ANKRD17: variants seen among roughly 807,000 people sequenced by gnomAD.
ANKRD17 encodes the protein ankyrin repeat domain 17, also known as ankyrin repeat domain-containing protein 17.
Under a neutral mutation model 229.7 loss-of-function variants are expected in ANKRD17, and 19 were observed. That is an observed-to-expected ratio of 0.08 (90% CI 0.06 to 0.12). ANKRD17 has a LOEUF of 0.12. Among genes scored for constraint, ANKRD17 ranks in the 10% least tolerant of loss-of-function variants. ANKRD17 has a pLI of 1.00. For missense variants in ANKRD17, 2,176 were observed against 3,176.8 expected (o/e 0.68, Z 7.57); for synonymous variants, 1,112 against 1,146.1 (o/e 0.97, Z 0.60).
chr4:73,141,819 G>T lies in ANKRD17; in HGVS notation c.2254C>A (p.Leu752Met). Residue 752 changes from leucine to methionine, a missense_variant, in exon 14 of 34, where the codon CTG becomes ATG. By Grantham distance (15) the Leu-to-Met change is conservative. Transcript: ENST00000358602. ...TCCTGAGGTGGAACAACCATGGGCAGTGCTTGAACTGGTACACGAGGAGCC... is the reference window on the plus strand; with the variant it reads ...TCCTGAGGTGGAACAACCATGGGCATTGCTTGAACTGGTACACGAGGAGCC... The part of the protein sequence containing the change: ...NRAPRVPVQA[L>M]PMVVPPQEPD... The T allele has an allele frequency of 1.2e-6, 2 of 1,613,930 alleles. No individual in the cohort carries two copies. The highest frequency in any genetic ancestry group is 1.7e-6 in the Non-Finnish European group (2 of 1,179,924).
chr4:73,079,837 G>A lies in ANKRD17; in HGVS notation c.7160-947C>T, dbSNP rs572729207. On this transcript the variant is annotated intron_variant, in intron 30 of 33. Coordinates refer to ENST00000358602, the MANE Select transcript of ANKRD17 (RefSeq NM_032217.5). ...TATGTGAAAAGCTTAAATATTGGCC[G>A]GGCGCGGTGGCACACACCTGTAATC... 6.6e-5 allele frequency among the ~76,000 whole-genome samples: 10 copies of A among 152,186 alleles called. No individual in the cohort carries two copies. The South Asian group carries it at 8.3e-4, about 13-fold the overall frequency.
At chr4:73,141,700 T>G in intron 14 of ANKRD17, 41 bp downstream of exon 14, 1 of 1,559,530 alleles carries the variant, frequency 6.4e-7, no homozygotes, top group Non-Finnish European at 8.8e-7. Context: ...TATTTTTACC[T>G]GGACACCAAG....
chr4:73,216,226 C>T (rs1318584026), intron 1 of ANKRD17, among the ~76,000 whole-genome samples: 1 of 151,944 alleles, frequency 6.6e-6, no homozygotes, highest in Non-Finnish European at 1.5e-5. Context: ...TTTATAAAAG[C>T]ATGTTAACAT....
At chr4:73,157,265 T>C (rs1731787177) in intron 3 of ANKRD17, among the ~76,000 whole-genome samples, 1 of 152,150 alleles carries the variant, frequency 6.6e-6, no homozygotes, top group Non-Finnish European at 1.5e-5. Flanking sequence ...GATGGGAGAA[T>C]GTAATATTAA....
intron 3 of ANKRD17, among the ~76,000 whole-genome samples, chr4:73,157,044 C>T (rs1203296986): frequency 6.6e-6 from 1 of 152,020 alleles, no homozygotes; most frequent in Non-Finnish European, 1.5e-5. Flanking sequence ...GTCTAATTTA[C>T]TGGTAAGTGG....
intron 1 of ANKRD17, among the ~76,000 whole-genome samples, chr4:73,248,964 A>G (rs1744745762): frequency 6.6e-6 from 1 of 152,104 alleles, no homozygotes; most frequent in Non-Finnish European, 1.5e-5. Context: ...CAGAGAAAGA[A>G]AGAGACAACA....
At chr4:73,166,102 C>T (rs562226333) in intron 2 of ANKRD17, among the ~76,000 whole-genome samples, 2 of 152,290 alleles carry the variant, frequency 1.3e-5, no homozygotes, top group East Asian at 3.9e-4. Flanking sequence ...TGTTATGCTG[C>T]AATAGAAAAC....
chr4:73,129,719 A>G (rs1727934020), intron 16 of ANKRD17, among the ~76,000 whole-genome samples: 1 of 151,038 alleles, frequency 6.6e-6, no homozygotes, highest in African/African-American at 2.4e-5. Flanking sequence ...CCCTGTCTCA[A>G]CAACAACAAC....
In ANKRD17 at chr4:73,186,420, T is replaced by A. The variant is rs570643864; in HGVS notation, c.394-8887A>T. 2.6e-5 allele frequency among the ~76,000 whole-genome samples: 4 copies of A among 152,136 alleles called. No homozygotes were observed. The South Asian group carries it at 8.3e-4, about 32-fold the overall frequency. On this transcript the variant is annotated intron_variant, in intron 1 of 33. Coordinates refer to ENST00000358602, the MANE Select transcript of ANKRD17 (RefSeq NM_032217.5). The stretch of plus-strand genomic sequence containing the variant: ...TATGGTATTCTGAGATTATAGTAAA[T>A]AAAACTAAAGTGAACCTCATTAAAG...
chr4:73,102,353 G>T (rs762953176), intron 25 of ANKRD17, 23 bp downstream of exon 25: 1 of 1,568,204 alleles, frequency 6.4e-7, no homozygotes, highest in South Asian at 1.2e-5. Flanking sequence ...AAAACAAATG[G>T]GATGGTTGTT....
intron 1 of ANKRD17, among the ~76,000 whole-genome samples, chr4:73,193,872 C>G (rs1295914321): frequency 1.3e-5 from 2 of 152,126 alleles, no homozygotes; most frequent in Non-Finnish European, 2.9e-5. Flanking sequence ...GTTGAGGCTG[C>G]AGTGACCCAT....
Position 73,207,970 on chromosome 4 carries a change from C to T in ANKRD17, c.394-30437G>A, listed in dbSNP as rs536573754. Among the ~76,000 whole-genome samples, 251 of 152,084 alleles carry T rather than the reference C, an allele frequency of 1.7e-3. 1 individual carries two copies. The highest frequency in any genetic ancestry group is 5.4e-3 in the African/African-American group (223 of 41,506). ...TTGGGAGGCCGAGGCAGGTGGATCA[C>T]GAGGTCAGGAGATCGAGACCATCCT... On this transcript the variant is annotated intron_variant, in intron 1 of 33. Transcript: ENST00000358602.
intron 24 of ANKRD17, among the ~76,000 whole-genome samples, chr4:73,109,962 T>C (rs914328314): frequency 8.1e-6 from 1 of 122,930 alleles, no homozygotes; most frequent in African/African-American, 3.2e-5. Flanking sequence ...GAGAATGGGA[T>C]AGGTTGTGTT....
rs771651804 is a variant in ANKRD17 at position 73,076,309 on chromosome 4, C to A, written c.7753-19G>T. 3 of 1,556,374 alleles carry A rather than the reference C, an allele frequency of 1.9e-6. No homozygotes were observed. The highest frequency in any genetic ancestry group is 1.2e-5 in the South Asian group (1 of 80,948). On this transcript the variant is annotated intron_variant, in intron 33 of 33. Transcript: ENST00000358602. ...TCCACACCTATGAATATAGAGCATG[C>A]ATTTTACAAAATATATATCTAGCAT...
intron 24 of ANKRD17, among the ~76,000 whole-genome samples, chr4:73,106,423 G>C (rs1464004216): frequency 6.6e-6 from 1 of 152,134 alleles, no homozygotes; most frequent in Non-Finnish European, 1.5e-5. Flanking sequence ...TGCAGATTTA[G>C]ATATATGAAA....
chr4:73,175,829 A>C, intron 2 of ANKRD17, among the ~76,000 whole-genome samples: 1 of 152,108 alleles, frequency 6.6e-6, no homozygotes, highest in South Asian at 2.1e-4. Flanking sequence ...AGACTTAAAC[A>C]TAAGACCTCT....
At chr4:73,202,240 C>T (rs146008037) in intron 1 of ANKRD17, among the ~76,000 whole-genome samples, 3 of 132,042 alleles carry the variant, frequency 2.3e-5, no homozygotes, top group Admixed American at 9.2e-5. Context: ...TGAAAAGAAA[C>T]GATGAAGTCA....
chr4:73,213,858 G>C (rs1050149529), intron 1 of ANKRD17, among the ~76,000 whole-genome samples: 17 of 151,920 alleles, frequency 1.1e-4, no homozygotes, highest in Non-Finnish European at 1.8e-4. Flanking sequence ...ATAAGAGAAA[G>C]AACTTCTCTT....
In ANKRD17 at chr4:73,091,015, C is replaced by T. The variant is rs1164644639; in HGVS notation, c.6613G>A (p.Val2205Ile). Residue 2205 changes from valine to isoleucine, a missense_variant, in exon 29 of 34, where the codon GTC becomes ATC. Val to Ile is a conservative substitution (Grantham distance 29). Transcript: ENST00000358602. ...VQNSSVAVLSVNHIKRPHSVP... is the reference protein window; with the variant it reads ...VQNSSVAVLSINHIKRPHSVP... ...CTGTGAGGTCTTTTAATGTGATTGA[C>T]ACTGAGGACTGCAACAGATGAATTT... 2 of 1,614,056 alleles carry T rather than the reference C, an allele frequency of 1.2e-6. No individual in the cohort carries two copies. Among genetic ancestry groups the T allele is most frequent in the East Asian group, 2.2e-5 (1 of 44,888 alleles).
Sources: gnomAD v4.1 joint callset for allele counts (sites outside exome capture counted in the v4.1 genomes callset) on GRCh38, gnomAD v4.1.1 for gene constraint, MANE v1.5 for transcripts, NCBI Gene and HGNC (gene_info 2026-07-23, HGNC 2026-07-21) for gene names.